The following GPR161 variants were observed in gnomAD, a reference collection of about 807,000 sequenced individuals.
The protein encoded by GPR161 is G protein-coupled receptor 161, also known as G-protein coupled receptor RE2.
A neutral mutation model predicts 39.2 loss-of-function variants in GPR161; 25 were observed. The observed-to-expected ratio is 0.64, with a 90% CI of 0.47 to 0.89. The LOEUF (loss-of-function observed/expected upper bound fraction) is 0.89, where lower values mean the gene tolerates loss of function less well. Among genes scored for constraint, GPR161 ranks in the 40% least tolerant of loss-of-function variants. The pLI is 0.00. For missense variants in GPR161, 547 were observed against 677.8 expected, an observed-to-expected ratio of 0.81 and a Z score of 2.14; for synonymous variants, 286 against 276.6, an observed-to-expected ratio of 1.03 and a Z score of -0.34.
chr1:168,133,781 G>T, intron 1 of GPR161: 1 of 216,532 alleles, frequency 4.6e-6, no homozygotes, highest in Non-Finnish European at 7.9e-6. Flanking sequence ...ATTTTTTCAA[G>T]TATATTCAAT....
rs374341301 is a variant in GPR161 at position 168,104,128 on chromosome 1, G to A, written c.374+349C>T. ...GCAAGACAGAGCAGGGGTCACACTGGGAGAAAGAGAAGCAGAGTCAGAGGC... is the reference window on the plus strand; with the variant it reads ...GCAAGACAGAGCAGGGGTCACACTGAGAGAAAGAGAAGCAGAGTCAGAGGC... On this transcript the variant is annotated intron_variant, in intron 2 of 5. Coordinates refer to ENST00000682931, the MANE Select transcript of GPR161 (RefSeq NM_001375883.1). 5.9e-4 allele frequency among the ~76,000 whole-genome samples: 90 copies of A among 152,298 alleles called. 1 individual carries two copies. The highest frequency in any genetic ancestry group is 2.1e-3 in the African/African-American group (86 of 41,556).
rs765787301 is a variant in GPR161 at position 168,085,639 on chromosome 1, G to A, written c.1482C>T (p.Val494=). ...GGCGGCCCCCGAAGCCGCCCCCCGGGACAGTCCGTGCTGTAACCAAGACCC... is the reference window on the plus strand; with the variant it reads ...GGCGGCCCCCGAAGCCGCCCCCCGGAACAGTCCGTGCTGTAACCAAGACCC... The part of the protein sequence containing the change: ...LPGVLVTART[V]PGGGFGGRRG... The change falls in exon 6 of 6, where the codon GTC becomes GTT. Residue 494 remains valine (V), a synonymous_variant. Coordinates refer to ENST00000682931, the MANE Select transcript of GPR161 (RefSeq NM_001375883.1). The A allele has an allele frequency of 3.7e-6, 6 of 1,614,174 alleles. No homozygotes were observed. In the South Asian group the frequency reaches 6.6e-5, roughly 18 times the overall value.
chr1:168,130,650 C>G (rs1320728422), intron 1 of GPR161, among the ~76,000 whole-genome samples: 1 of 152,190 alleles, frequency 6.6e-6, no homozygotes. Context: ...TATATGTTCC[C>G]TCTCTATGCC....
At chr1:168,136,049 T>C in intron 1 of GPR161, 1 of 1,246,760 alleles carries the variant, frequency 8.0e-7, no homozygotes, top group Non-Finnish European at 1.0e-6. Flanking sequence ...TGTCCAAAGG[T>C]TGCACGGGGG....
At chr1:168,087,329 G>A (rs1276372468) in intron 5 of GPR161, among the ~76,000 whole-genome samples, 8 of 148,308 alleles carry the variant, frequency 5.4e-5, no homozygotes, top group East Asian at 3.9e-4. Context: ...GTGTAAACAC[G>A]TGTGGGTGTG....
chr1:168,105,508 A>C (rs3820400), intron 1 of GPR161, among the ~76,000 whole-genome samples: 1 of 152,016 alleles, frequency 6.6e-6, no homozygotes, highest in South Asian at 2.1e-4. Flanking sequence ...GCACATTACA[A>C]TTTGACTGTA....
chr1:168,111,199 A>G (rs1697140996), intron 1 of GPR161, among the ~76,000 whole-genome samples: 1 of 152,186 alleles, frequency 6.6e-6, no homozygotes. Context: ...AGGAGTAGAC[A>G]CTGTTGGCTA....
chr1:168,106,408 C>A (rs962180331), intron 1 of GPR161, among the ~76,000 whole-genome samples: 1 of 152,156 alleles, frequency 6.6e-6, no homozygotes, highest in Non-Finnish European at 1.5e-5. Flanking sequence ...GGCAACGTGG[C>A]GAAACTGTCT....
intron 1 of GPR161, among the ~76,000 whole-genome samples, chr1:168,126,780 G>C (rs1356424203): frequency 1.3e-5 from 2 of 152,268 alleles, no homozygotes; most frequent in East Asian, 1.9e-4. Flanking sequence ...TTTTAGGTGA[G>C]GATGTTTTCC....
Position 168,085,598 on chromosome 1 carries a change from A to T in GPR161, c.1523T>A (p.Leu508His). The change falls in exon 6 of 6, where the codon CTT (leucine) becomes CAT (histidine). Residue 508 changes from leucine to histidine, a missense_variant. Transcript: ENST00000682931. ...CTGCAACTGCAGCCTCTGGCTCACAAGAGTTCTGCTGCCTCGGCGGCCCCC... is the reference window on the plus strand; with the variant it reads ...CTGCAACTGCAGCCTCTGGCTCACATGAGTTCTGCTGCCTCGGCGGCCCCC... Reference protein sequence around the residue: ...GFGGRRGSRTLVSQRLQLQSI... With the variant: ...GFGGRRGSRTHVSQRLQLQSI... 1 of 1,614,068 alleles carries T rather than the reference A, an allele frequency of 6.2e-7. No homozygotes were observed. The highest frequency in any genetic ancestry group is 2.2e-5 in the East Asian group (1 of 44,876).
At chr1:168,096,362 TG>T in intron 3 of GPR161, 145 bp downstream of exon 3, 1 of 819,954 alleles carries the variant, frequency 1.2e-6, no homozygotes, top group Non-Finnish European at 1.9e-6. Context: ...GCGGAGCCTC[TG>T]GAATGTTTCT....
In GPR161 at chr1:168,127,314, G is replaced by T. The variant is rs145909742; in HGVS notation, c.-45+9425C>A. On this transcript the variant is annotated intron_variant, in intron 1 of 5. Transcript: ENST00000682931. ...AGCCTGACCAACATGGTGAAACCCT[G>T]TCTCTATTAAAAATACAAAAATTAG... Among the ~76,000 whole-genome samples, 285 of 152,014 alleles carry T rather than the reference G, an allele frequency of 1.9e-3. 1 individual carries two copies. Among genetic ancestry groups the T allele is most frequent in the African/African-American group, 6.3e-3 (262 of 41,474 alleles).
At chr1:168,125,673 A>T (rs1698536217) in intron 1 of GPR161, among the ~76,000 whole-genome samples, 1 of 149,356 alleles carries the variant, frequency 6.7e-6, no homozygotes, top group African/African-American at 2.5e-5. Context: ...GCTGGAGTAC[A>T]ATGGTGTGAT....
intron 1 of GPR161, among the ~76,000 whole-genome samples, chr1:168,126,831 G>A (rs1048977425): frequency 6.6e-6 from 1 of 152,018 alleles, no homozygotes; most frequent in African/African-American, 2.4e-5. Flanking sequence ...TTTCCCCTTT[G>A]AATTCCCAAC....
At chr1:168,100,994 A>G (rs1484928948) in intron 2 of GPR161, among the ~76,000 whole-genome samples, 1 of 152,116 alleles carries the variant, frequency 6.6e-6, no homozygotes, top group Non-Finnish European at 1.5e-5. Flanking sequence ...CTGGTTTAGG[A>G]CATTGACAAA....
intron 1 of GPR161, among the ~76,000 whole-genome samples, chr1:168,131,064 T>C (rs1392908111): frequency 2.6e-5 from 4 of 152,208 alleles, no homozygotes; most frequent in Non-Finnish European, 5.9e-5. Context: ...GTAAAGCAGT[T>C]GGTTCCATTT....
chr1:168,082,328 C>A lies in GPR161; in HGVS notation c.*3203G>T. On this transcript the variant is annotated 3_prime_UTR_variant, in exon 6 of 6. Transcript: ENST00000682931. Reference sequence around the variant, plus strand: ...CCAGGTGGTCCTTGGTCACCAAGGCCGTGGACTACACGATAAGGGCAAAGG... The same window carrying A: ...CCAGGTGGTCCTTGGTCACCAAGGCAGTGGACTACACGATAAGGGCAAAGG... 1 of 152,318 alleles carries A rather than the reference C, an allele frequency of 6.6e-6. No homozygotes were observed. Among genetic ancestry groups the A allele is most frequent in the Non-Finnish European group, 1.5e-5 (1 of 68,078 alleles). The allele number at this position is 152,318 out of a possible 1,614,324, so 9.4% of individuals were successfully genotyped here. A position where few individuals can be genotyped will look rare whatever the true frequency, so the allele number is the denominator to read the frequency against.
At chr1:168,132,156 G>T (rs373864750) in intron 1 of GPR161, among the ~76,000 whole-genome samples, 4 of 151,904 alleles carry the variant, frequency 2.6e-5, no homozygotes, top group Admixed American at 6.6e-5. Context: ...CCCCAGCTAC[G>T]TGGGAGGCTG....
intron 1 of GPR161, among the ~76,000 whole-genome samples, chr1:168,110,247 T>C (rs1183618600): frequency 2.0e-5 from 3 of 152,076 alleles, no homozygotes; most frequent in Non-Finnish European, 4.4e-5. Context: ...CTCACGCCTG[T>C]AACCCCAACA....
Sources: gnomAD v4.1 joint callset for allele counts (sites outside exome capture counted in the v4.1 genomes callset) on GRCh38, gnomAD v4.1.1 for gene constraint, MANE v1.5 for transcripts, NCBI Gene and HGNC (gene_info 2026-07-23, HGNC 2026-07-21) for gene names.